ZNF709: variants seen among roughly 807,000 people sequenced by gnomAD.
The protein encoded by ZNF709 is zinc finger protein 709.
In ZNF709, 15 loss-of-function variants were observed where a neutral mutation model predicts 10.6. The observed-to-expected ratio is 1.41, with a 90% CI of 0.95 to 2.18. The LOEUF (loss-of-function observed/expected upper bound fraction) is 2.18. Ranked by LOEUF, ZNF709 falls within the 30% of genes most tolerant of loss-of-function variation. The pLI is 0.00. For synonymous variants in ZNF709, 194 were observed against 238.8 expected (o/e 0.81, Z 1.73); for missense variants, 589 against 774.0 (o/e 0.76, Z 2.84).
Position 12,484,788 on chromosome 19 carries a change from C to A in ZNF709, c.-131G>T, listed in dbSNP as rs571052629. 593 of 1,275,750 alleles carry A rather than the reference C, an allele frequency of 4.6e-4. No homozygotes were observed. Among genetic ancestry groups the A allele is most frequent in the Non-Finnish European group, 5.8e-4 (528 of 910,916 alleles). The allele number at this position is 1,275,750 out of a possible 1,614,324, so 79.0% of individuals were successfully genotyped here. A position where few individuals can be genotyped will look rare whatever the true frequency, so the allele number is the denominator to read the frequency against. ...GAGGAGACCCCAGAGCGGAGCGCAG[C>A]GGCTGGTAGCCACGCCCTCGCCGTT... is the stretch of plus-strand genomic sequence containing the variant. On this transcript the variant is annotated 5_prime_UTR_variant, in exon 1 of 4. Coordinates refer to ENST00000397732, the MANE Select transcript of ZNF709 (RefSeq NM_152601.4).
At chr19:12,472,072 C>A (rs1355552571) in intron 1 of ZNF709, among the ~76,000 whole-genome samples, 1 of 152,100 alleles carries the variant, frequency 6.6e-6, no homozygotes, top group Non-Finnish European at 1.5e-5. Context: ...ACTTGTAGTC[C>A]TAGCTACTCA....
rs371568898 is a variant in ZNF709, at chr19:12,464,146, T to C, written c.1776A>G (p.Gln592=). ...HTGVKPYECK[Q]CDKAFSCSRS... Reference sequence around the variant, plus strand: ...GTGAGCAACTGAAGGCTTTGTCACATTGTTTACATTCATAGGGTTTCACTC... The same window carrying C: ...GTGAGCAACTGAAGGCTTTGTCACACTGTTTACATTCATAGGGTTTCACTC... The change falls in exon 4 of 4, where the codon CAA becomes CAG. Residue 592 remains glutamine, a synonymous_variant. Coordinates refer to ENST00000397732, the MANE Select transcript of ZNF709 (RefSeq NM_152601.4). 109 of 1,566,700 alleles carry C rather than the reference T, an allele frequency of 7.0e-5. No homozygotes were observed. The African/African-American group carries it at 1.4e-3, about 21-fold the overall frequency.
intron 1 of ZNF709, among the ~76,000 whole-genome samples, chr19:12,476,885 G>A (rs934189422): frequency 1.3e-5 from 2 of 151,872 alleles, no homozygotes; most frequent in Non-Finnish European, 2.9e-5. Context: ...TATGTGTCCT[G>A]AATGAATGCC....
chr19:12,481,952 A>C, intron 1 of ZNF709, among the ~76,000 whole-genome samples: 1 of 149,762 alleles, frequency 6.7e-6, no homozygotes, highest in African/African-American at 2.5e-5. Context: ...AAAGAAAGAA[A>C]GGAGGAAGGA....
chr19:12,466,344 T>C, intron 3 of ZNF709, 118 bp downstream of exon 3: 1 of 1,083,090 alleles, frequency 9.2e-7, no homozygotes. Context: ...GCAAAAATTT[T>C]CAAAAAATAA....
chr19:12,472,468 G>A (rs375780124), intron 1 of ZNF709, among the ~76,000 whole-genome samples: 10 of 135,482 alleles, frequency 7.4e-5, no homozygotes, highest in African/African-American at 2.8e-4. Context: ...GTTGCAGCGA[G>A]CCCAGATCGT....
At chr19:12,476,195 C>G (rs1483589700) in intron 1 of ZNF709, among the ~76,000 whole-genome samples, 1 of 152,042 alleles carries the variant, frequency 6.6e-6, no homozygotes, top group Non-Finnish European at 1.5e-5. Context: ...AGTTTGAGAC[C>G]AGCCTGGGCA....
At chr19:12,468,284 G>A (rs1288016367) in intron 1 of ZNF709, among the ~76,000 whole-genome samples, 45 of 152,324 alleles carry the variant, frequency 3.0e-4, no homozygotes, top group South Asian at 2.1e-4. Context: ...TTGAGAAATC[G>A]GATGGTTGCT....
At chr19:12,477,278 C>A (rs934474750) in intron 1 of ZNF709, among the ~76,000 whole-genome samples, 29 of 152,204 alleles carry the variant, frequency 1.9e-4, no homozygotes, top group Non-Finnish European at 8.8e-5. Context: ...TAATACTTTT[C>A]AACCCTTCAA....
chr19:12,467,482 G>C (rs553303903), intron 1 of ZNF709, among the ~76,000 whole-genome samples: 7 of 152,180 alleles, frequency 4.6e-5, no homozygotes, highest in East Asian at 1.9e-4. Context: ...GCGTGATCTC[G>C]GCTCGCTACA....
chr19:12,484,021 G>A (rs1340212969), intron 1 of ZNF709, among the ~76,000 whole-genome samples: 1 of 152,084 alleles, frequency 6.6e-6, no homozygotes, highest in Non-Finnish European at 1.5e-5. Flanking sequence ...ATACCCCAAA[G>A]CATACGTTAA....
intron 1 of ZNF709, among the ~76,000 whole-genome samples, chr19:12,479,269 C>T (rs1970701503): frequency 6.6e-6 from 1 of 152,102 alleles, no homozygotes; most frequent in South Asian, 2.1e-4. Context: ...TGTCATTGTA[C>T]TCCAGCCTGG....
At position 12,465,478 on chromosome 19, in the gene ZNF709, T is replaced by A; in HGVS notation, c.444A>T (p.Arg148Ser). Residue 148 changes from arginine (R) to serine (S), a missense_variant, in exon 4 of 4, where the codon AGA becomes AGT. By Grantham distance (110) the Arg-to-Ser change is moderately radical (BLOSUM62 -1). Transcript: ENST00000397732. ...TTCGAAATGAACTTCGAAAGCTGAA[T>A]CTTTTCCCACATTCCTTACATTCAT... ...KSYECKECGK[R>S]FSFRSSFRIH... 1.2e-6 allele frequency: 2 copies of A among 1,610,200 alleles called. No individual in the cohort carries two copies. Among genetic ancestry groups the A allele is most frequent in the Non-Finnish European group, 1.7e-6 (2 of 1,178,560 alleles).
chr19:12,464,013 C>T lies in ZNF709; in HGVS notation c.1909G>A (p.Val637Ile), dbSNP rs148951852. Residue 637 changes from valine to isoleucine, a missense_variant, in exon 4 of 4, where the codon GTT (valine) becomes ATT (isoleucine). This residue lies in a region of ZNF709 where 171 missense variants were observed against 277.7 expected (regional missense o/e 0.62). Transcript: ENST00000397732. ...CSRSFRIHERVHSGE is the reference protein window; with the variant it reads ...CSRSFRIHERIHSGE ...ACATAGGGTTACTCTCCACTATGAA[C>T]TCTTTCATGTATTCGAAAGGAACGG... is the stretch of plus-strand genomic sequence containing the variant. 1.5e-3 allele frequency: 2,219 copies of T among 1,475,136 alleles called. 12 individuals carry two copies. The highest frequency in any genetic ancestry group is 8.8e-3 in the South Asian group (571 of 64,768). 91.4% of individuals were successfully genotyped at this position (1,475,136 alleles called of 1,614,324 possible). A position where few individuals can be genotyped will look rare whatever the true frequency, so the allele number is the denominator to read the frequency against.
chr19:12,470,840 T>C (rs62111790), intron 1 of ZNF709, among the ~76,000 whole-genome samples: 7,864 of 149,182 alleles, frequency 0.053, 215 homozygotes, highest in Middle Eastern at 0.089. Context: ...GGCAGGAGAA[T>C]GGCGTGAACC....
chr19:12,466,468 T>C lies in ZNF709; in HGVS notation c.182A>G (p.Lys61Arg), dbSNP rs1568245887. ...NIEDHKNQGR[K>R]LRSHMVERLC... ...TTTTGTAAGTACAACTCACCTTAGC[T>C]TTCTCCCCTGATTTTTGTGATCTTC... is the stretch of plus-strand genomic sequence containing the variant. Residue 61 changes from lysine to arginine, a missense_variant, in exon 3 of 4, where the codon AAG (lysine) becomes AGG (arginine). Physicochemically the swap from Lys to Arg is conservative, Grantham distance 26. Around this residue, in one of 2 missense-constraint regions of ZNF709, gnomAD observed 418 missense variants for 496.3 expected, o/e 0.84. Coordinates refer to ENST00000397732, the MANE Select transcript of ZNF709 (RefSeq NM_152601.4). 3.1e-6 allele frequency: 5 copies of C among 1,614,006 alleles called. No individual in the cohort carries two copies. The highest frequency in any genetic ancestry group is 4.2e-6 in the Non-Finnish European group (5 of 1,179,946).
At chr19:12,477,127 A>G (rs1403550965) in intron 1 of ZNF709, among the ~76,000 whole-genome samples, 2 of 152,196 alleles carry the variant, frequency 1.3e-5, no homozygotes, top group Non-Finnish European at 2.9e-5. Context: ...TAGGGGCTTA[A>G]TGGGTGGGAC....
intron 1 of ZNF709, among the ~76,000 whole-genome samples, chr19:12,483,808 A>C (rs1420397710): frequency 6.6e-6 from 1 of 152,146 alleles, no homozygotes; most frequent in Admixed American, 6.5e-5. Context: ...TAAGTGAGTA[A>C]ATCTTTTCAA....
chr19:12,477,211 T>TACTTTTAAAAC (rs1042971229), intron 1 of ZNF709, among the ~76,000 whole-genome samples: 2 of 152,210 alleles, frequency 1.3e-5, no homozygotes, highest in African/African-American at 4.8e-5. Context: ...GGCCAAACTG[T>TACTTTTAAAAC]ACTTTTAAAA....
Sources: allele counts gnomAD v4.1 joint callset (sites outside exome capture counted in the v4.1 genomes callset), GRCh38; gene constraint gnomAD v4.1.1; regional missense constraint gnomAD v4.1.1; transcripts MANE v1.5; gene names NCBI Gene and HGNC (gene_info 2026-07-23, HGNC 2026-07-21).